The following SYNPO2 variants were observed in gnomAD, a reference collection of about 807,000 sequenced individuals.
SYNPO2 encodes the protein synaptopodin 2.
A neutral mutation model predicts 85.0 loss-of-function variants in SYNPO2; 56 were observed. The observed-to-expected ratio is 0.66, with a 90% CI of 0.53 to 0.82. The LOEUF (loss-of-function observed/expected upper bound fraction) is 0.82. SYNPO2 is among the 40% of genes least tolerant of loss of function. The pLI is 0.00. For missense variants in SYNPO2, 1,575 were observed against 1,534.2 expected (o/e 1.03, Z -0.44); for synonymous variants, 602 against 591.1 (o/e 1.02, Z -0.27).
intron 1 of SYNPO2, among the ~76,000 whole-genome samples, chr4:118,930,527 G>A (rs765033104): frequency 3.3e-4 from 50 of 152,214 alleles, no homozygotes; most frequent in Non-Finnish European, 5.1e-4. Context: ...TTGCAGCAAA[G>A]GGCCTAGGGC....
At chr4:118,923,012 C>A (rs1238802095) in intron 1 of SYNPO2, among the ~76,000 whole-genome samples, 1 of 152,006 alleles carries the variant, frequency 6.6e-6, no homozygotes, top group African/African-American at 2.4e-5. Context: ...ATAATGAATT[C>A]CATGGATATC....
chr4:118,989,077 T>C (rs1165718098), intron 1 of SYNPO2, among the ~76,000 whole-genome samples: 1 of 152,166 alleles, frequency 6.6e-6, no homozygotes, highest in African/African-American at 2.4e-5. Context: ...GAAATTGAAT[T>C]TAAAGGCCTG....
chr4:118,930,973 T>C (rs1293741511), intron 1 of SYNPO2, among the ~76,000 whole-genome samples: 1 of 151,716 alleles, frequency 6.6e-6, no homozygotes, highest in Non-Finnish European at 1.5e-5. Flanking sequence ...ATATCTCACT[T>C]GTGAATTCTT....
rs183866061 is a variant in SYNPO2 at position 118,983,872 on chromosome 4, T to C, written c.106-39558T>C. 1.2e-3 allele frequency among the ~76,000 whole-genome samples: 188 copies of C among 152,324 alleles called. 1 individual carries two copies. Among genetic ancestry groups the C allele is most frequent in the Non-Finnish European group, 1.6e-3 (109 of 68,024 alleles). On this transcript the variant is annotated intron_variant, in intron 1 of 4. Coordinates refer to ENST00000307142, the MANE Select transcript of SYNPO2 (RefSeq NM_133477.3). ...TTTCCAAAACAGAACTCATCTTTCC[T>C]GCACAGCCTCCCCATATCCTGGTCC...
At chr4:118,922,643 T>A (rs181269982) in intron 1 of SYNPO2, among the ~76,000 whole-genome samples, 1 of 152,132 alleles carries the variant, frequency 6.6e-6, no homozygotes, top group Non-Finnish European at 1.5e-5. Flanking sequence ...ACACATATCA[T>A]CTTTGTTCAT....
intron 1 of SYNPO2, among the ~76,000 whole-genome samples, chr4:118,976,417 A>C (rs1013678532): frequency 1.7e-4 from 26 of 152,182 alleles, no homozygotes; most frequent in African/African-American, 5.6e-4. Context: ...CAGTAGCAAG[A>C]TTTATTGCAA....
intron 1 of SYNPO2, among the ~76,000 whole-genome samples, chr4:118,966,730 C>G: frequency 6.6e-6 from 1 of 152,154 alleles, no homozygotes; most frequent in East Asian, 1.9e-4. Flanking sequence ...AAAGACCCCC[C>G]TCCCCTAGTT....
chr4:118,900,687 CTCTCTCTCTCTCTCTCTATATA>C (rs1453781664), intron 1 of SYNPO2, among the ~76,000 whole-genome samples: 31 of 46,120 alleles, frequency 6.7e-4, no homozygotes, highest in Admixed American at 1.3e-3. Context: ...CTCTCTCTCT[CTCTCTCTCTCTCTCTCTATATA>C]TATATATATA....
chr4:118,937,989 G>A (rs7671669), intron 1 of SYNPO2, among the ~76,000 whole-genome samples: 114,417 of 152,120 alleles, frequency 0.75, 44,719 homozygotes, highest in South Asian at 0.89. Context: ...AATAGTTGTT[G>A]TACTGTATTT....
Position 119,059,346 on chromosome 4 carries a change from T to C in SYNPO2, c.*1412T>C, listed in dbSNP as rs17050125. The C allele has an allele frequency of 3.3e-5, 5 of 151,966 alleles. No individual in the cohort carries two copies. Among genetic ancestry groups the C allele is most frequent in the Non-Finnish European group, 5.9e-5 (4 of 67,992 alleles). 9.4% of individuals were successfully genotyped at this position (151,966 alleles called of 1,614,324 possible). On this transcript the variant is annotated 3_prime_UTR_variant, in exon 5 of 5. Coordinates refer to ENST00000307142, the MANE Select transcript of SYNPO2 (RefSeq NM_133477.3). ...TTATAGAAAACATGCCACAGAAGCCTATGTAACAAGTGGTGCTTCTTTAGA... is the reference window on the plus strand; with the variant it reads ...TTATAGAAAACATGCCACAGAAGCCCATGTAACAAGTGGTGCTTCTTTAGA...
intron 4 of SYNPO2, chr4:119,036,883 C>T (rs1738534117): frequency 1.7e-6 from 2 of 1,162,578 alleles, no homozygotes; most frequent in Non-Finnish European, 2.1e-6. Context: ...ATTTCTCAAA[C>T]TTCTGATTTT....
intron 1 of SYNPO2, among the ~76,000 whole-genome samples, chr4:118,926,927 G>A (rs1733731409): frequency 1.3e-5 from 2 of 152,036 alleles, no homozygotes; most frequent in South Asian, 2.1e-4. Flanking sequence ...ACTCTATGCG[G>A]GATGCCACTT....
At chr4:118,906,410 T>TA (rs1560848478) in intron 1 of SYNPO2, among the ~76,000 whole-genome samples, 1 of 152,184 alleles carries the variant, frequency 6.6e-6, no homozygotes, top group Non-Finnish European at 1.5e-5. Flanking sequence ...TAATTTCTCT[T>TA]ACCTCCATTA....
At chr4:119,035,278 T>C (rs1738462629) in intron 4 of SYNPO2, 1 of 985,442 alleles carries the variant, frequency 1.0e-6, no homozygotes. Flanking sequence ...TGCATAACGC[T>C]TGGGATTCTA....
At chr4:119,055,443 C>T (rs938453114) in intron 4 of SYNPO2, among the ~76,000 whole-genome samples, 29 of 152,240 alleles carry the variant, frequency 1.9e-4, no homozygotes, top group Middle Eastern at 3.2e-3. Flanking sequence ...GCGTGAGCCA[C>T]TGCACTGGCC....
rs763433488 is a variant in SYNPO2, at chr4:119,030,967, C to T, written c.2192C>T (p.Pro731Leu). 6 of 1,613,990 alleles carry T rather than the reference C, an allele frequency of 3.7e-6. No homozygotes were observed. Among genetic ancestry groups the T allele is most frequent in the South Asian group, 2.2e-5 (2 of 91,076 alleles). ...RGTGAGGDSG[P>L]EEDYLSLGAE... ...ACTGGAGCTGGAGGTGATTCCGGAC[C>T]GGAAGAAGACTACCTCAGCTTGGGG... Residue 731 changes from proline to leucine, a missense_variant, in exon 4 of 5, where the codon CCG becomes CTG. Coordinates refer to ENST00000307142, the MANE Select transcript of SYNPO2 (RefSeq NM_133477.3).
intron 1 of SYNPO2, among the ~76,000 whole-genome samples, chr4:118,994,285 A>G (rs1736510297): frequency 6.6e-6 from 1 of 152,240 alleles, no homozygotes; most frequent in South Asian, 2.1e-4. Context: ...CACACTTGTT[A>G]CTCATCTGCT....
chr4:118,992,789 C>T (rs1001522832), intron 1 of SYNPO2, among the ~76,000 whole-genome samples: 1 of 152,166 alleles, frequency 6.6e-6, no homozygotes, highest in Admixed American at 6.5e-5. Context: ...CCTGACCTGG[C>T]TCAGCAAAGC....
At chr4:118,973,159 T>C (rs1461121427) in intron 1 of SYNPO2, among the ~76,000 whole-genome samples, 1 of 152,232 alleles carries the variant, frequency 6.6e-6, no homozygotes, top group African/African-American at 2.4e-5. Context: ...GTCAGAATTA[T>C]AGAATTAGTA....
Sources: gnomAD v4.1 joint callset for allele counts (sites outside exome capture counted in the v4.1 genomes callset) on GRCh38, gnomAD v4.1.1 for gene constraint, MANE v1.5 for transcripts, NCBI Gene and HGNC (gene_info 2026-07-23, HGNC 2026-07-21) for gene names.